The following BRF1 variants were observed in gnomAD, a reference collection of about 807,000 sequenced individuals.
BRF1 encodes BRF1 general transcription factor IIIB subunit.
Under a neutral mutation model 81.7 loss-of-function variants are expected in BRF1, and 59 were observed. The observed-to-expected ratio is 0.72, with a 90% CI of 0.59 to 0.90. The LOEUF (loss-of-function observed/expected upper bound fraction) is 0.90, where lower values mean the gene tolerates loss of function less well. Ranked by LOEUF, BRF1 falls within the 40% of genes least tolerant of loss-of-function variation. The pLI is 0.00. For synonymous variants in BRF1, 491 were observed against 395.6 expected (o/e 1.24, Z -2.86); for missense variants, 1,050 against 936.3 (o/e 1.12, Z -1.58).
chr14:105,229,637 TG>T (rs1258400736), intron 6 of BRF1, among the ~76,000 whole-genome samples: 4 of 151,020 alleles, frequency 2.6e-5, no homozygotes, highest in Admixed American at 6.6e-5. Context: ...GTCGCCCAGC[TG>T]GGGGCGGGGG....
At chr14:105,250,078 G>A (rs1387167376) in intron 5 of BRF1, 2 of 1,612,870 alleles carry the variant, frequency 1.2e-6, no homozygotes, top group Non-Finnish European at 1.7e-6. Flanking sequence ...TTCCAACCAT[G>A]ACCCTAGAGG....
chr14:105,241,236 A>T (rs1367032599), intron 6 of BRF1, 29 bp downstream of exon 6: 11 of 1,606,280 alleles, frequency 6.8e-6, no homozygotes, highest in Non-Finnish European at 9.3e-6. Context: ...CCAGACCAGC[A>T]TCCCCCAGGC....
At chr14:105,226,505 G>C in intron 8 of BRF1, 129 bp downstream of exon 8, 1 of 1,524,322 alleles carries the variant, frequency 6.6e-7, no homozygotes. Flanking sequence ...GCTCTGGCTG[G>C]TCATAGCACT....
At chr14:105,229,389 T>A (rs958915410) in intron 6 of BRF1, among the ~76,000 whole-genome samples, 1 of 152,146 alleles carries the variant, frequency 6.6e-6, no homozygotes, top group Non-Finnish European at 1.5e-5. Context: ...GCTTCTCAGG[T>A]GGACTGAATC....
chr14:105,262,107 C>G (rs1348470658), intron 3 of BRF1, among the ~76,000 whole-genome samples: 1 of 152,254 alleles, frequency 6.6e-6, no homozygotes, highest in Non-Finnish European at 1.5e-5. Context: ...AGCACCCACA[C>G]AGGAGCCCGG....
intron 3 of BRF1, among the ~76,000 whole-genome samples, chr14:105,259,302 G>A (rs758836447): frequency 5.9e-5 from 9 of 152,214 alleles, no homozygotes; most frequent in African/African-American, 1.7e-4. Context: ...AAAATTAGCC[G>A]GGTATGGTGA....
rs916084267 is a variant in BRF1, at chr14:105,271,529, C to T, written c.439+1192G>A. On this transcript the variant is annotated intron_variant, in intron 3 of 17. Transcript: ENST00000547530. This position sits in a 1 kb window ranked among gnomAD's most constrained non-coding sequence, Gnocchi z 5.5. ...AGAGGGGCGCAGCTCGGAAAAGGTCCCTCTCCCAGGGAGCCATTGCAGGAG... is the reference window on the plus strand; with the variant it reads ...AGAGGGGCGCAGCTCGGAAAAGGTCTCTCTCCCAGGGAGCCATTGCAGGAG... 1.3e-5 allele frequency among the ~76,000 whole-genome samples: 2 copies of T among 152,168 alleles called. No individual in the cohort carries two copies. The highest frequency in any genetic ancestry group is 2.9e-5 in the Non-Finnish European group (2 of 68,034).
intron 12 of BRF1, chr14:105,219,614 A>G: frequency 2.4e-6 from 1 of 420,394 alleles, no homozygotes; most frequent in South Asian, 4.3e-5. Context: ...CCACGTGGCC[A>G]TGAAATCAGG....
Position 105,270,398 on chromosome 14 carries a change from A to T in BRF1, c.439+2323T>A, listed in dbSNP as rs587755704. On this transcript the variant is annotated intron_variant, in intron 3 of 17. Coordinates refer to ENST00000547530, the MANE Select transcript of BRF1 (RefSeq NM_001519.4). Reference sequence around the variant, plus strand: ...CATGGTGTTAGACAGGATGGTCTCGATCTCCTGACCTCGTGATCCGCCCAC... The same window carrying T: ...CATGGTGTTAGACAGGATGGTCTCGTTCTCCTGACCTCGTGATCCGCCCAC... Among the ~76,000 whole-genome samples the T allele has an allele frequency of 2.2e-4, 33 of 151,890 alleles. 1 individual carries two copies. Among genetic ancestry groups the T allele is most frequent in the Admixed American group, 1.6e-3 (25 of 15,280 alleles).
At chr14:105,229,096 T>A (rs770931340) in intron 6 of BRF1, among the ~76,000 whole-genome samples, 183 bp from the exon 7 acceptor site, 1 of 152,200 alleles carries the variant, frequency 6.6e-6, no homozygotes, top group South Asian at 2.1e-4. Context: ...CCTCTCTATC[T>A]TATTGTGGGT....
rs587737383 is a variant in BRF1, at chr14:105,307,271, C to G, written c.-162+8051G>C. ...CCCACCTGCCTCCTTTCATCAGGCT[C>G]CTGCATTCCTGAACACTAGCCCCCT... On this transcript the variant is annotated intron_variant, in intron 1 of 17. Coordinates refer to the BRF1 transcript ENST00000327359. 2.0e-5 allele frequency among the ~76,000 whole-genome samples: 3 copies of G among 152,192 alleles called. No homozygotes were observed. The East Asian group carries it at 5.8e-4, about 29-fold the overall frequency.
At chr14:105,313,864 G>A (rs1439246755) in intron 1 of BRF1, among the ~76,000 whole-genome samples, 1 of 152,190 alleles carries the variant, frequency 6.6e-6, no homozygotes, top group Non-Finnish European at 1.5e-5. Context: ...CCCTCCCTGA[G>A]CCCCAGAGCC....
At chr14:105,219,078 C>T (rs959158587) in intron 13 of BRF1, 25 bp from the exon 14 acceptor site, 18 of 1,613,794 alleles carry the variant, frequency 1.1e-5, no homozygotes, top group Middle Eastern at 3.3e-4. Flanking sequence ...AGGGGGCCAG[C>T]GTCACTGAGG....
At chr14:105,280,266 C>G (rs1306845026) in intron 2 of BRF1, among the ~76,000 whole-genome samples, 2 of 152,222 alleles carry the variant, frequency 1.3e-5, no homozygotes, top group Non-Finnish European at 2.9e-5. Context: ...ATGCCCATGG[C>G]TGAGTGACAG....
chr14:105,263,721 C>A (rs922135264), intron 3 of BRF1, among the ~76,000 whole-genome samples: 1 of 152,036 alleles, frequency 6.6e-6, no homozygotes, highest in Non-Finnish European at 1.5e-5. Flanking sequence ...GTCAGGAGAT[C>A]GAGACCATCC....
intron 1 of BRF1, chr14:105,314,948 C>T (rs2058500634): frequency 8.5e-7 from 1 of 1,172,588 alleles, no homozygotes; most frequent in Non-Finnish European, 1.1e-6. Context: ...TCGGCCTCCC[C>T]GGCGCGCCCG....
chr14:105,312,152 G>A (rs374501077), intron 1 of BRF1, among the ~76,000 whole-genome samples: 103 of 152,346 alleles, frequency 6.8e-4, no homozygotes, highest in African/African-American at 2.4e-3. Flanking sequence ...GCAGCCCATG[G>A]TCCTGGCGCC....
At position 105,249,276 on chromosome 14, in the gene BRF1, C is replaced by T. The variant is rs1009800877; in HGVS notation, c.544+3231G>A. 1.9e-6 allele frequency: 3 copies of T among 1,563,620 alleles called. No homozygotes were observed. The African/African-American group carries it at 4.0e-5, about 21-fold the overall frequency. On this transcript the variant is annotated intron_variant, in intron 5 of 17. Transcript: ENST00000547530. The stretch of plus-strand genomic sequence containing the variant: ...GGTAGCGGCGGCCCCTCTCGGAACG[C>T]GTGCCCCGTCCGCCCCGTCCGCCGT...
intron 1 of BRF1, among the ~76,000 whole-genome samples, chr14:105,293,411 C>T (rs1229897409): frequency 3.3e-5 from 5 of 152,206 alleles, no homozygotes; most frequent in South Asian, 4.1e-4. Context: ...TTACGGGAAA[C>T]GCTCCCCACC....
Sources: allele counts gnomAD v4.1 joint callset (sites outside exome capture counted in the v4.1 genomes callset), GRCh38; gene constraint gnomAD v4.1.1; non-coding constraint Gnocchi (gnomAD v3.1); transcripts MANE v1.5; gene names NCBI Gene and HGNC (gene_info 2026-07-23, HGNC 2026-07-21).